Variants in RAP1GDS1 observed in about 807,000 individuals in gnomAD.
RAP1GDS1 encodes the protein RAP1, GTP-GDP dissociation stimulator 1.
Under a neutral mutation model 71.1 loss-of-function variants are expected in RAP1GDS1, and 35 were observed. The observed-to-expected ratio is 0.49, with a 90% CI of 0.38 to 0.65. The LOEUF is 0.65. RAP1GDS1 is among the 30% of genes least tolerant of loss of function. The pLI, the probability that RAP1GDS1 is intolerant of heterozygous loss-of-function variation, is 0.00. For synonymous variants in RAP1GDS1, 229 were observed against 243.1 expected (o/e 0.94, Z 0.54); for missense variants, 663 against 706.1 (o/e 0.94, Z 0.69).
chr4:98,371,468 C>A (rs1042026813), intron 4 of RAP1GDS1, among the ~76,000 whole-genome samples: 3 of 151,720 alleles, frequency 2.0e-5, no homozygotes, highest in Non-Finnish European at 2.9e-5. Context: ...CCTGATAATA[C>A]TGCTTATTTT....
intron 4 of RAP1GDS1, among the ~76,000 whole-genome samples, chr4:98,361,631 G>A (rs989865156): frequency 2.0e-5 from 3 of 152,138 alleles, no homozygotes; most frequent in East Asian, 1.9e-4. Flanking sequence ...ATTAATACTA[G>A]TATCAGCAGG....
intron 7 of RAP1GDS1, among the ~76,000 whole-genome samples, chr4:98,406,918 A>G (rs1405842220): frequency 6.6e-6 from 1 of 152,132 alleles, no homozygotes; most frequent in Non-Finnish European, 1.5e-5. Context: ...TGGAAATTAG[A>G]AATTTTTCTA....
At position 98,293,524 on chromosome 4, in the gene RAP1GDS1, C is replaced by T; in HGVS notation, c.112+9C>T. On this transcript the variant is annotated intron_variant, in intron 2 of 14. Coordinates refer to ENST00000408927, the MANE Select transcript of RAP1GDS1 (RefSeq NM_001100427.2). The stretch of plus-strand genomic sequence containing the variant: ...AGCCCTGGCTCAAAATAGTAAGTTT[C>T]ATTATGTTTACTCAAATTCCAAAGA... 6.3e-7 allele frequency: 1 copy of T among 1,583,268 alleles called. No individual in the cohort carries two copies.
intron 4 of RAP1GDS1, among the ~76,000 whole-genome samples, chr4:98,376,997 A>G (rs1166502802): frequency 2.6e-5 from 4 of 151,974 alleles, no homozygotes; most frequent in Non-Finnish European, 5.9e-5. Flanking sequence ...TTGAACATTT[A>G]CTAGCTTAGT....
intron 1 of RAP1GDS1, among the ~76,000 whole-genome samples, chr4:98,273,424 T>C (rs1172807227): frequency 6.6e-6 from 1 of 152,186 alleles, no homozygotes; most frequent in Non-Finnish European, 1.5e-5. Context: ...ATCATTTTTT[T>C]TACTACATTT....
At chr4:98,398,931 C>T (rs986503499) in intron 6 of RAP1GDS1, among the ~76,000 whole-genome samples, 2 of 152,130 alleles carry the variant, frequency 1.3e-5, no homozygotes, top group African/African-American at 4.8e-5. Context: ...AGAATACCAG[C>T]AACTAGAAGG....
intron 1 of RAP1GDS1, 158 bp downstream of exon 1, chr4:98,261,727 C>T: frequency 9.8e-7 from 1 of 1,022,668 alleles, no homozygotes; most frequent in Non-Finnish European, 1.4e-6. Flanking sequence ...GCACGCGGAA[C>T]GCACGCCGGG....
intron 2 of RAP1GDS1, 120 bp downstream of exon 2, chr4:98,293,635 C>T: frequency 1.4e-6 from 1 of 728,828 alleles, no homozygotes; most frequent in South Asian, 1.8e-5. Context: ...TCTTTTGAAT[C>T]ATATCCCTGA....
rs1240543398 is a variant in RAP1GDS1, at chr4:98,261,539, G to T, written c.-27G>T. On this transcript the variant is annotated 5_prime_UTR_variant, in exon 1 of 15. Transcript: ENST00000408927. ...GCACCACAGACCTTCGCCTCGCCCC[G>T]CCGGTTCCTCACCCTCGGGGAGCAA... 6.3e-7 allele frequency: 1 copy of T among 1,596,902 alleles called. No individual in the cohort carries two copies. The highest frequency in any genetic ancestry group is 8.5e-7 in the Non-Finnish European group (1 of 1,170,294).
chr4:98,393,896 C>T (rs1744113660), intron 6 of RAP1GDS1, among the ~76,000 whole-genome samples: 1 of 152,100 alleles, frequency 6.6e-6, no homozygotes, highest in Non-Finnish European at 1.5e-5. Context: ...TTTTTTAGCA[C>T]ATCTTACTAG....
chr4:98,344,465 A>C (rs1222568860), intron 3 of RAP1GDS1, among the ~76,000 whole-genome samples: 2 of 152,072 alleles, frequency 1.3e-5, no homozygotes, highest in Non-Finnish European at 2.9e-5. Flanking sequence ...CTTTTTTCTT[A>C]AGCATTCTTA....
chr4:98,270,567 A>G (rs938091878), intron 1 of RAP1GDS1, among the ~76,000 whole-genome samples: 13 of 152,210 alleles, frequency 8.5e-5, no homozygotes, highest in Non-Finnish European at 1.6e-4. Context: ...TTCTATTTAT[A>G]TAGCTTTTGT....
intron 4 of RAP1GDS1, among the ~76,000 whole-genome samples, chr4:98,368,931 G>A (rs1258668233): frequency 6.6e-6 from 1 of 152,046 alleles, no homozygotes; most frequent in Non-Finnish European, 1.5e-5. Context: ...TGTTTCACAT[G>A]CTAGTCAAGA....
At chr4:98,340,292 A>G (rs1735309343) in intron 2 of RAP1GDS1, among the ~76,000 whole-genome samples, 1 of 152,242 alleles carries the variant, frequency 6.6e-6, no homozygotes, top group South Asian at 2.1e-4. Flanking sequence ...ATACTGGATA[A>G]AGAAAATGTG....
intron 1 of RAP1GDS1, among the ~76,000 whole-genome samples, chr4:98,275,360 A>G (rs1361284905): frequency 6.6e-6 from 1 of 152,140 alleles, no homozygotes; most frequent in East Asian, 1.9e-4. Flanking sequence ...GCATCCAGCA[A>G]CTGTGTAAAG....
chr4:98,400,826 A>G (rs974000150), intron 6 of RAP1GDS1, among the ~76,000 whole-genome samples: 6 of 152,172 alleles, frequency 3.9e-5, no homozygotes, highest in Admixed American at 3.3e-4. Flanking sequence ...CCCATATACA[A>G]TTATTATTTG....
rs138446013 is a variant in RAP1GDS1, at chr4:98,352,884, A to G, written c.361+283A>G. Among the ~76,000 whole-genome samples the G allele has an allele frequency of 3.4e-3, 518 of 152,324 alleles. 1 individual carries two copies. The highest frequency in any genetic ancestry group is 5.7e-3 in the Non-Finnish European group (391 of 68,032). On this transcript the variant is annotated intron_variant, in intron 4 of 14. Coordinates refer to ENST00000408927, the MANE Select transcript of RAP1GDS1 (RefSeq NM_001100427.2). Reference sequence around the variant, plus strand: ...TTGGGGCTGTAAGTTTAGAAAAAATACATATGTGCATCTTCTCAATTAGGT... The same window carrying G: ...TTGGGGCTGTAAGTTTAGAAAAAATGCATATGTGCATCTTCTCAATTAGGT...
intron 6 of RAP1GDS1, chr4:98,396,707 G>C (rs1004693776): frequency 1.7e-4 from 26 of 152,186 alleles, no homozygotes; most frequent in Admixed American, 1.4e-3. Flanking sequence ...CATCAACACG[G>C]GAGTGGAACA....
chr4:98,341,869 C>T (rs1355253325), intron 2 of RAP1GDS1, among the ~76,000 whole-genome samples: 2 of 152,142 alleles, frequency 1.3e-5, no homozygotes, highest in Non-Finnish European at 2.9e-5. Context: ...TTTCCTCAAA[C>T]CCATGATTGG....
Sources: gnomAD v4.1 joint callset for allele counts (sites outside exome capture counted in the v4.1 genomes callset) on GRCh38, gnomAD v4.1.1 for gene constraint, MANE v1.5 for transcripts, NCBI Gene and HGNC (gene_info 2026-07-23, HGNC 2026-07-21) for gene names.